The following KCNMB2 variants were observed in gnomAD, a reference collection of about 807,000 sequenced individuals.
The protein encoded by KCNMB2 is calcium-activated potassium channel subunit beta-2.
In KCNMB2, 9 loss-of-function variants were observed where a neutral mutation model predicts 24.5. That is an observed-to-expected ratio of 0.37 (90% confidence interval 0.22 to 0.64). The LOEUF (loss-of-function observed/expected upper bound fraction) is 0.64, where lower values mean the gene tolerates loss of function less well. KCNMB2 is among the 30% of genes least tolerant of loss of function. KCNMB2 has a pLI of 0.63. For synonymous variants in KCNMB2, 109 were observed against 104.4 expected, an observed-to-expected ratio of 1.04 and a Z score of -0.27; for missense variants, 226 against 284.3, an observed-to-expected ratio of 0.79 and a Z score of 1.47.
chr3:178,571,964 G>A (rs1256518896), intron 1 of KCNMB2, among the ~76,000 whole-genome samples: 1 of 152,100 alleles, frequency 6.6e-6, no homozygotes, highest in Non-Finnish European at 1.5e-5. Flanking sequence ...CCAAGTGTTT[G>A]CTATTGTAAA....
intron 1 of KCNMB2, among the ~76,000 whole-genome samples, chr3:178,613,902 T>A (rs1203796213): frequency 6.6e-6 from 1 of 152,080 alleles, no homozygotes; most frequent in African/African-American, 2.4e-5. Context: ...TCCGTTTGAA[T>A]AAGCTTTCCA....
chr3:178,764,682 T>A (rs981323284), intron 1 of KCNMB2, among the ~76,000 whole-genome samples: 3 of 152,212 alleles, frequency 2.0e-5, no homozygotes, highest in Non-Finnish European at 4.4e-5. Context: ...TTATTTTGAG[T>A]ACTAATGCCC....
At chr3:178,802,225 C>T (rs1475573257) in intron 1 of KCNMB2, among the ~76,000 whole-genome samples, 1 of 152,142 alleles carries the variant, frequency 6.6e-6, no homozygotes, top group Non-Finnish European at 1.5e-5. Context: ...AATTTCTGTG[C>T]TTAGAGTGAC....
At chr3:178,700,306 C>T (rs1033340168) in intron 1 of KCNMB2, among the ~76,000 whole-genome samples, 2 of 152,178 alleles carry the variant, frequency 1.3e-5, no homozygotes, top group Admixed American at 6.5e-5. Flanking sequence ...TAAATAATTC[C>T]ACTTCACTGT....
intron 1 of KCNMB2, among the ~76,000 whole-genome samples, chr3:178,620,515 C>G (rs1718870328): frequency 6.6e-6 from 1 of 152,196 alleles, no homozygotes; most frequent in African/African-American, 2.4e-5. Flanking sequence ...CTGGTGAGGA[C>G]TTGCTCCCTG....
At chr3:178,554,792 T>C (rs752690589) in intron 1 of KCNMB2, among the ~76,000 whole-genome samples, 2 of 152,208 alleles carry the variant, frequency 1.3e-5, no homozygotes, top group Admixed American at 6.5e-5. Flanking sequence ...CTCAAGTTGC[T>C]TGCAAATTAG....
intron 1 of KCNMB2, among the ~76,000 whole-genome samples, chr3:178,724,433 T>A (rs1722903485): frequency 6.6e-6 from 1 of 152,170 alleles, no homozygotes; most frequent in Admixed American, 6.6e-5. Flanking sequence ...TTTGCAAATA[T>A]TTTGTCCCAT....
At chr3:178,840,768 G>A (rs1715399257) in intron 4 of KCNMB2, among the ~76,000 whole-genome samples, 1 of 152,198 alleles carries the variant, frequency 6.6e-6, no homozygotes, top group Non-Finnish European at 1.5e-5. Context: ...CAGGGCCCTA[G>A]GCCATTTTTC....
chr3:178,594,907 G>GA (rs1161556483), intron 1 of KCNMB2, among the ~76,000 whole-genome samples: 1 of 151,882 alleles, frequency 6.6e-6, no homozygotes, highest in Non-Finnish European at 1.5e-5. Context: ...ATTCTCTTAT[G>GA]AAAAATCTGT....
chr3:178,618,607 T>C (rs925909349), intron 1 of KCNMB2, among the ~76,000 whole-genome samples: 7 of 152,208 alleles, frequency 4.6e-5, no homozygotes, highest in South Asian at 2.1e-4. Context: ...GTAATCTATC[T>C]GATTGGCAAA....
chr3:178,732,066 CAA>C (rs1723169771), intron 1 of KCNMB2, among the ~76,000 whole-genome samples: 1 of 151,730 alleles, frequency 6.6e-6, no homozygotes, highest in Admixed American at 6.6e-5. Flanking sequence ...AAGGTAAAAA[CAA>C]GAGAGAAAAA....
At chr3:178,707,755 A>G (rs1223688235) in intron 1 of KCNMB2, among the ~76,000 whole-genome samples, 1 of 152,176 alleles carries the variant, frequency 6.6e-6, no homozygotes, top group Non-Finnish European at 1.5e-5. Flanking sequence ...TCACACCCTG[A>G]GTTCCTACCT....
intron 1 of KCNMB2, among the ~76,000 whole-genome samples, chr3:178,578,176 T>A (rs1171602041): frequency 6.6e-6 from 1 of 152,106 alleles, no homozygotes; most frequent in Non-Finnish European, 1.5e-5. Context: ...TAACAGCAGA[T>A]CTCTCTGCAG....
chr3:178,728,042 A>G (rs927020636), intron 1 of KCNMB2, among the ~76,000 whole-genome samples: 3 of 152,218 alleles, frequency 2.0e-5, no homozygotes, highest in African/African-American at 7.2e-5. Flanking sequence ...AAACAGGTAT[A>G]GGCCTTATGC....
chr3:178,696,298 T>C (rs549193803), intron 1 of KCNMB2, among the ~76,000 whole-genome samples: 1 of 152,082 alleles, frequency 6.6e-6, no homozygotes, highest in Non-Finnish European at 1.5e-5. Flanking sequence ...CAAGATGAGA[T>C]TTGAGTGGGG....
chr3:178,580,657 A>G (rs1244070093), intron 1 of KCNMB2, among the ~76,000 whole-genome samples: 1 of 152,250 alleles, frequency 6.6e-6, no homozygotes, highest in African/African-American at 2.4e-5. Flanking sequence ...CTGATAAGCA[A>G]CTTCAGCAAA....
rs111903519 is a variant in KCNMB2, at chr3:178,617,372, C to T, written c.-68+80661C>T. Among the ~76,000 whole-genome samples, 14 of 150,890 alleles carry T rather than the reference C, an allele frequency of 9.3e-5. 1 individual carries two copies. Among genetic ancestry groups the T allele is most frequent in the African/African-American group, 3.4e-4 (14 of 41,058 alleles). ...AGGAGATCGAGACCATCCTGGCTAA[C>T]ATGGTGAAACCGAATCTCTACTAAA... On this transcript the variant is annotated intron_variant, in intron 1 of 4. Transcript: ENST00000452583.
At chr3:178,611,959 T>C (rs976502299) in intron 1 of KCNMB2, among the ~76,000 whole-genome samples, 2 of 152,146 alleles carry the variant, frequency 1.3e-5, no homozygotes, top group African/African-American at 4.8e-5. Flanking sequence ...GTTTCCGTTA[T>C]TATTTGTTTA....
intron 2 of KCNMB2, among the ~76,000 whole-genome samples, chr3:178,807,901 CAA>C: frequency 6.6e-6 from 1 of 151,194 alleles, no homozygotes; most frequent in East Asian, 1.9e-4. Context: ...TTATTAACAA[CAA>C]AAAATAATAA....
Sources: allele counts gnomAD v4.1 joint callset (sites outside exome capture counted in the v4.1 genomes callset), GRCh38; gene constraint gnomAD v4.1.1; transcripts MANE v1.5; gene names NCBI Gene and HGNC (gene_info 2026-07-23, HGNC 2026-07-21).